The following CDH2 variants were observed in gnomAD, a reference collection of about 807,000 sequenced individuals.
The protein encoded by CDH2 is cadherin-2.
Under a neutral mutation model 92.0 loss-of-function variants are expected in CDH2, and 17 were observed. The ratio of observed to expected loss-of-function variants is 0.18; its 90% CI spans 0.13 to 0.28. The LOEUF is 0.28. CDH2 is among the 10% of genes least tolerant of loss of function. The pLI is 1.00. For missense variants in CDH2, 862 were observed against 1,133.1 expected, an observed-to-expected ratio of 0.76 and a Z score of 3.44; for synonymous variants, 419 against 415.9, an observed-to-expected ratio of 1.01 and a Z score of -0.09.
chr18:28,008,880 G>C (rs1434151267), intron 5 of CDH2, among the ~76,000 whole-genome samples: 5 of 152,196 alleles, frequency 3.3e-5, no homozygotes, highest in Non-Finnish European at 7.3e-5. Context: ...TAGTGATTAA[G>C]TGTAGATGAT....
chr18:28,031,199 C>T (rs1030302242), intron 2 of CDH2, among the ~76,000 whole-genome samples: 3 of 151,816 alleles, frequency 2.0e-5, no homozygotes, highest in Non-Finnish European at 2.9e-5. Context: ...GTACAACCAA[C>T]TCCATTGTAG....
At chr18:28,071,805 G>C (rs1457202868) in intron 2 of CDH2, among the ~76,000 whole-genome samples, 1 of 151,998 alleles carries the variant, frequency 6.6e-6, no homozygotes, top group African/African-American at 2.4e-5. Flanking sequence ...TCTAACCCAA[G>C]TTTGGTTTCT....
chr18:28,057,221 G>A (rs1163081395), intron 2 of CDH2, among the ~76,000 whole-genome samples: 1 of 152,104 alleles, frequency 6.6e-6, no homozygotes, highest in East Asian at 1.9e-4. Flanking sequence ...AGAATTCTCA[G>A]AAATCTAATG....
intron 7 of CDH2, among the ~76,000 whole-genome samples, chr18:27,995,354 T>TGTA (rs980411192): frequency 3.4e-4 from 50 of 147,810 alleles, no homozygotes; most frequent in African/African-American, 1.2e-3. Flanking sequence ...TAGGCTATAA[T>TGTA]ACTTCTTCAG....
chr18:28,160,203 A>C (rs2016285896), intron 1 of CDH2, among the ~76,000 whole-genome samples: 1 of 151,912 alleles, frequency 6.6e-6, no homozygotes, highest in Non-Finnish European at 1.5e-5. Context: ...CTATAGGCCA[A>C]GGATCCTAGA....
intron 2 of CDH2, among the ~76,000 whole-genome samples, chr18:28,129,063 AC>A (rs1239657320): frequency 6.6e-6 from 1 of 152,098 alleles, no homozygotes; most frequent in Admixed American, 6.6e-5. Flanking sequence ...ATCCCAGTCC[AC>A]TCAAAAGCAT....
At position 27,951,855 on chromosome 18, in the gene CDH2, GT is replaced by G. The variant is rs1567932905; in HGVS notation, c.*297del. 3.1e-6 allele frequency: 1 copy of G among 321,312 alleles called. No homozygotes were observed. The highest frequency in any genetic ancestry group is 5.9e-6 in the Non-Finnish European group (1 of 170,440). 19.9% of individuals were successfully genotyped at this position (321,312 alleles called of 1,614,324 possible). A position where few individuals can be genotyped will look rare whatever the true frequency, so the allele number is the denominator to read the frequency against. ...CTTTTACTTATCGTTTCAGAAATCA[GT>G]ACCATTAAAGCCTTAAACAGAAAAC... On this transcript the variant is annotated 3_prime_UTR_variant, in exon 16 of 16. Coordinates refer to ENST00000269141, the MANE Select transcript of CDH2 (RefSeq NM_001792.5).
chr18:28,121,873 C>T (rs1148380), intron 2 of CDH2, among the ~76,000 whole-genome samples: 46,677 of 151,688 alleles, frequency 0.31, 7,759 homozygotes, highest in African/African-American at 0.42. Flanking sequence ...CAGAATGGGA[C>T]GGTGGAGGTG....
chr18:28,130,198 C>A (rs922210056), intron 2 of CDH2, among the ~76,000 whole-genome samples: 1 of 152,174 alleles, frequency 6.6e-6, no homozygotes, highest in African/African-American at 2.4e-5. Context: ...TCAGGACTAA[C>A]TGAAGGACTG....
chr18:27,952,275 C>G lies in CDH2; in HGVS notation c.2599G>C (p.Ala867Pro), dbSNP rs896948558. 2 of 1,613,500 alleles carry G rather than the reference C, an allele frequency of 1.2e-6. No homozygotes were observed. Among genetic ancestry groups the G allele is most frequent in the East Asian group, 2.2e-5 (1 of 44,878 alleles). Reference sequence around the variant, plus strand: ...GAATTAAGGGAGCTCAAGGACCCAGCAGTGGAGCCACTGCCTTCATAGTCA... The same window carrying G: ...GAATTAAGGGAGCTCAAGGACCCAGGAGTGGAGCCACTGCCTTCATAGTCA... ...VFDYEGSGST[A>P]GSLSSLNSSS... The change falls in exon 16 of 16, where the codon GCT becomes CCT. Residue 867 changes from alanine to proline, a missense_variant. Ala to Pro is a conservative substitution (Grantham distance 27, BLOSUM62 -1). This residue lies in a region of CDH2 where 114 missense variants were observed against 144.8 expected (regional missense o/e 0.79). Coordinates refer to ENST00000269141, the MANE Select transcript of CDH2 (RefSeq NM_001792.5).
intron 2 of CDH2, among the ~76,000 whole-genome samples, chr18:28,071,997 C>G (rs1599078350): frequency 1.3e-5 from 2 of 152,128 alleles, no homozygotes; most frequent in Non-Finnish European, 2.9e-5. Flanking sequence ...TCACCAATGA[C>G]AGCTTAAGCC....
At chr18:28,119,778 C>T (rs978183983) in intron 2 of CDH2, among the ~76,000 whole-genome samples, 6 of 152,062 alleles carry the variant, frequency 3.9e-5, no homozygotes, top group African/African-American at 1.4e-4. Context: ...GTTGCTGTGC[C>T]TTTTAAGAAA....
At chr18:28,174,153 T>C (rs537413199) in intron 1 of CDH2, among the ~76,000 whole-genome samples, 1 of 152,238 alleles carries the variant, frequency 6.6e-6, no homozygotes, top group East Asian at 1.9e-4. Flanking sequence ...TCAATTATAT[T>C]TAGCTTGTAA....
At chr18:27,935,993 A>T (rs544905774) in intron 6 of CDH2, among the ~76,000 whole-genome samples, 1 of 152,322 alleles carries the variant, frequency 6.6e-6, no homozygotes, top group East Asian at 1.9e-4. Flanking sequence ...ATTCTGTTGC[A>T]CTATAAACAC....
chr18:28,114,899 A>T (rs1330169483), intron 2 of CDH2, among the ~76,000 whole-genome samples: 1 of 152,136 alleles, frequency 6.6e-6, no homozygotes, highest in Non-Finnish European at 1.5e-5. Context: ...GCAAAAAAAA[A>T]AATTATAAAA....
intron 2 of CDH2, among the ~76,000 whole-genome samples, chr18:28,130,847 G>A (rs17446763): frequency 3.3e-5 from 5 of 152,286 alleles, no homozygotes; most frequent in Non-Finnish European, 7.4e-5. Flanking sequence ...AATTTCCATA[G>A]GAGGGTGAGA....
Position 28,007,165 on chromosome 18 carries a change from A to AATATATAT in CDH2, c.703-1180_703-1173dup, listed in dbSNP as rs1555632742. Among the ~76,000 whole-genome samples, 41 of 110,460 alleles carry AATATATAT rather than the reference A, an allele frequency of 3.7e-4. 1 individual carries two copies. Among genetic ancestry groups the AATATATAT allele is most frequent in the East Asian group, 3.0e-3 (13 of 4,354 alleles). 72.5% of individuals were successfully genotyped at this position (110,460 alleles called of 152,430 possible). On this transcript the variant is annotated intron_variant, in intron 5 of 15. Coordinates refer to ENST00000269141, the MANE Select transcript of CDH2 (RefSeq NM_001792.5). ...ACAGAGTGAGACTCCATAAAAAAAA[A>AATATATAT]ATATATATATATATATATATATATA...
intron 14 of CDH2, among the ~76,000 whole-genome samples, chr18:27,973,030 GA>G (rs1231512687): frequency 2.0e-5 from 3 of 152,130 alleles, no homozygotes; most frequent in African/African-American, 7.2e-5. Flanking sequence ...ATGCAAAGTG[GA>G]GGGGTAATGA....
At chr18:28,077,193 T>C (rs1653888517) in intron 2 of CDH2, among the ~76,000 whole-genome samples, 2 of 152,168 alleles carry the variant, frequency 1.3e-5, no homozygotes, top group South Asian at 4.1e-4. Context: ...GTTTTAAGCC[T>C]ACTAAAACTG....
Sources: gnomAD v4.1 joint callset for allele counts (sites outside exome capture counted in the v4.1 genomes callset) on GRCh38, gnomAD v4.1.1 for gene constraint, gnomAD v4.1.1 regional missense constraint, MANE v1.5 for transcripts, NCBI Gene and HGNC (gene_info 2026-07-23, HGNC 2026-07-21) for gene names.